Variants in CNTN3 observed in about 807,000 individuals in gnomAD.
CNTN3 encodes the protein contactin 3, also known as contactin-3.
A neutral mutation model predicts 119.1 loss-of-function variants in CNTN3; 60 were observed. That is an observed-to-expected ratio of 0.50 (90% confidence interval 0.41 to 0.62). The LOEUF (loss-of-function observed/expected upper bound fraction) is 0.62, where lower values mean the gene tolerates loss of function less well. CNTN3 is among the 20% of genes least tolerant of loss of function. CNTN3 has a pLI of 0.00. For synonymous variants in CNTN3, 450 were observed against 438.7 expected (o/e 1.03, Z -0.32); for missense variants, 1,101 against 1,242.4 (o/e 0.89, Z 1.71).
chr3:74,509,195 G>A (rs1441597430), intron 2 of CNTN3, among the ~76,000 whole-genome samples: 1 of 152,096 alleles, frequency 6.6e-6, no homozygotes, highest in Admixed American at 6.6e-5. Flanking sequence ...GTCAACCTGT[G>A]GAGGGAAAAT....
At chr3:74,488,487 T>C (rs1364325469) in intron 3 of CNTN3, among the ~76,000 whole-genome samples, 1 of 152,144 alleles carries the variant, frequency 6.6e-6, no homozygotes, top group African/African-American at 2.4e-5. Context: ...TGGTTTTAGT[T>C]CTTAAATTAA....
chr3:74,352,954 A>G (rs1224349773), intron 11 of CNTN3, among the ~76,000 whole-genome samples: 3 of 152,162 alleles, frequency 2.0e-5, no homozygotes, highest in African/African-American at 7.2e-5. Flanking sequence ...GTAGAAGAAG[A>G]TTAAAATAAA....
At chr3:74,364,282 T>C (rs745525110) in intron 10 of CNTN3, among the ~76,000 whole-genome samples, 185 bp downstream of exon 10, 1 of 152,146 alleles carries the variant, frequency 6.6e-6, no homozygotes, top group Non-Finnish European at 1.5e-5. Context: ...CTGGCCATAA[T>C]TGCTGTTTTT....
intron 1 of CNTN3, among the ~76,000 whole-genome samples, chr3:74,531,254 AT>A (rs1391512988): frequency 6.6e-6 from 1 of 152,104 alleles, no homozygotes; most frequent in South Asian, 2.1e-4. Flanking sequence ...TTACCTAAGC[AT>A]TATCAGAAGT....
chr3:74,317,584 C>T (rs1261455041), intron 13 of CNTN3, among the ~76,000 whole-genome samples: 5 of 152,010 alleles, frequency 3.3e-5, no homozygotes, highest in African/African-American at 4.8e-5. Flanking sequence ...TTTTATTTCT[C>T]CTTCACTTAT....
chr3:74,592,779 T>G (rs963896896), intron 1 of CNTN3, among the ~76,000 whole-genome samples: 7 of 151,998 alleles, frequency 4.6e-5, no homozygotes, highest in Admixed American at 2.0e-4. Context: ...TTAAAAACCT[T>G]AAACAAAACT....
At chr3:74,353,813 A>G (rs1703872884) in intron 11 of CNTN3, among the ~76,000 whole-genome samples, 1 of 152,126 alleles carries the variant, frequency 6.6e-6, no homozygotes, top group South Asian at 2.1e-4. Flanking sequence ...ATTTAAATAC[A>G]GTATAATACA....
intron 4 of CNTN3, among the ~76,000 whole-genome samples, chr3:74,428,381 A>T (rs559784346): frequency 5.8e-4 from 89 of 152,282 alleles, no homozygotes; most frequent in African/African-American, 2.0e-3. Flanking sequence ...TTGCCCCTGA[A>T]GATCTTCCAG....
intron 11 of CNTN3, among the ~76,000 whole-genome samples, chr3:74,341,520 G>A (rs1703546143): frequency 6.6e-6 from 1 of 152,100 alleles, no homozygotes; most frequent in Non-Finnish European, 1.5e-5. Flanking sequence ...TTAACTCCTT[G>A]ATCAGTTTTA....
intron 5 of CNTN3, among the ~76,000 whole-genome samples, chr3:74,381,396 A>T (rs1704621016): frequency 1.3e-5 from 2 of 152,146 alleles, no homozygotes; most frequent in South Asian, 4.1e-4. Flanking sequence ...ATGACAAAAA[A>T]ATGCCCCTAG....
At chr3:74,354,339 TC>T (rs954519187) in intron 11 of CNTN3, among the ~76,000 whole-genome samples, 1 of 152,066 alleles carries the variant, frequency 6.6e-6, no homozygotes, top group African/African-American at 2.4e-5. Context: ...AAATGAAGGA[TC>T]CCATTTAAAA....
chr3:74,336,762 A>G, intron 11 of CNTN3, 104 bp from the exon 12 acceptor site: 1 of 917,926 alleles, frequency 1.1e-6, no homozygotes, highest in East Asian at 2.8e-5. Flanking sequence ...TAGTATTTTT[A>G]AGGCATGATC....
intron 1 of CNTN3, among the ~76,000 whole-genome samples, chr3:74,524,750 T>G (rs943066958): frequency 1.3e-5 from 2 of 151,918 alleles, no homozygotes; most frequent in African/African-American, 4.8e-5. Context: ...GCAGAGGGCC[T>G]CCAGAATTCT....
intron 13 of CNTN3, among the ~76,000 whole-genome samples, chr3:74,321,305 T>C (rs1702982567): frequency 6.6e-6 from 1 of 152,172 alleles, no homozygotes. Flanking sequence ...AATTTGTATA[T>C]ATTATATGAT....
chr3:74,272,560 A>T (rs1256383251), intron 20 of CNTN3, among the ~76,000 whole-genome samples: 1 of 152,202 alleles, frequency 6.6e-6, no homozygotes, highest in Non-Finnish European at 1.5e-5. Context: ...ATGCACATTG[A>T]TAGGCTTGTA....
chr3:74,277,332 C>T (rs1197354486), intron 20 of CNTN3, among the ~76,000 whole-genome samples: 1 of 152,038 alleles, frequency 6.6e-6, no homozygotes, highest in Non-Finnish European at 1.5e-5. Context: ...AACTACAGAC[C>T]GATATCCCTG....
chr3:74,299,499 C>T (rs534630382), intron 17 of CNTN3, among the ~76,000 whole-genome samples: 1 of 152,338 alleles, frequency 6.6e-6, no homozygotes, highest in South Asian at 2.1e-4. Flanking sequence ...CGCAACATAA[C>T]TCATCTCTAT....
intron 5 of CNTN3, among the ~76,000 whole-genome samples, chr3:74,372,576 T>C (rs909354237): frequency 3.3e-5 from 5 of 152,028 alleles, no homozygotes; most frequent in African/African-American, 4.8e-5. Context: ...CTGTAGTGCT[T>C]TCCCAATAGA....
intron 13 of CNTN3, among the ~76,000 whole-genome samples, chr3:74,322,765 G>A (rs1162626872): frequency 2.0e-5 from 3 of 152,054 alleles, no homozygotes; most frequent in Non-Finnish European, 4.4e-5. Context: ...TAGATGAGTG[G>A]ATAAATAAAC....
Sources: gnomAD v4.1 joint callset for allele counts (sites outside exome capture counted in the v4.1 genomes callset) on GRCh38, gnomAD v4.1.1 for gene constraint, MANE v1.5 for transcripts, NCBI Gene and HGNC (gene_info 2026-07-23, HGNC 2026-07-21) for gene names.